CRIM1: variants seen among roughly 807,000 people sequenced by gnomAD.
The protein encoded by CRIM1 is cysteine-rich motor neuron 1 protein.
CRIM1 carries 32 observed loss-of-function variants against 116.4 expected under a neutral mutation model. That is an observed-to-expected ratio of 0.27 (90% CI 0.21 to 0.37). CRIM1 has a LOEUF of 0.37. Among genes scored for constraint, CRIM1 ranks in the 10% least tolerant of loss-of-function variants. The pLI, the probability that CRIM1 is intolerant of heterozygous loss-of-function variation, is 1.00. For missense variants in CRIM1, 1,331 were observed against 1,354.8 expected (o/e 0.98, Z 0.28); for synonymous variants, 590 against 509.2 (o/e 1.16, Z -2.13).
At chr2:36,375,225 C>T (rs11124511) in intron 1 of CRIM1, among the ~76,000 whole-genome samples, 60,326 of 151,832 alleles carry the variant, frequency 0.4, 15,069 homozygotes, top group East Asian at 0.72. Flanking sequence ...GAGGGCTAGA[C>T]GTTATCCAGC....
At chr2:36,455,817 TTGTC>T (rs1677093139) in intron 4 of CRIM1, among the ~76,000 whole-genome samples, 1 of 151,966 alleles carries the variant, frequency 6.6e-6, no homozygotes, top group South Asian at 2.1e-4. Flanking sequence ...ATGGGGGAGT[TTGTC>T]TGCAGAGGAA....
intron 7 of CRIM1, among the ~76,000 whole-genome samples, chr2:36,496,449 A>G (rs188543884): frequency 6.6e-6 from 1 of 152,278 alleles, no homozygotes; most frequent in East Asian, 1.9e-4. Flanking sequence ...TGTTTCTTTC[A>G]TCTAATATAG....
At chr2:36,384,044 A>T (rs1338941983) in intron 1 of CRIM1, among the ~76,000 whole-genome samples, 1 of 152,228 alleles carries the variant, frequency 6.6e-6, no homozygotes, top group Non-Finnish European at 1.5e-5. Flanking sequence ...ATACAAGAGG[A>T]GAGAAGTGCT....
At chr2:36,531,997 T>C (rs1051605654) in intron 13 of CRIM1, 9 of 470,502 alleles carry the variant, frequency 1.9e-5, no homozygotes, top group Non-Finnish European at 3.5e-5. Context: ...AAGTAAATCT[T>C]TGTATTCTTG....
chr2:36,546,047 A>G (rs1231092060), intron 15 of CRIM1, among the ~76,000 whole-genome samples: 5 of 152,138 alleles, frequency 3.3e-5, no homozygotes, highest in Non-Finnish European at 7.4e-5. Context: ...TTAAAATCTG[A>G]GTTTTAAACC....
chr2:36,374,218 C>A (rs1002422072), intron 1 of CRIM1, among the ~76,000 whole-genome samples: 1 of 152,192 alleles, frequency 6.6e-6, no homozygotes, highest in African/African-American at 2.4e-5. Context: ...GAGACCGAAG[C>A]CCCTTATTAA....
At chr2:36,450,857 T>C (rs530973972) in intron 4 of CRIM1, among the ~76,000 whole-genome samples, 3 of 152,358 alleles carry the variant, frequency 2.0e-5, no homozygotes, top group Admixed American at 6.5e-5. Context: ...TCTTGCATTA[T>C]GATAATAGAA....
intron 1 of CRIM1, among the ~76,000 whole-genome samples, chr2:36,381,227 A>G (rs1252143206): frequency 6.6e-6 from 1 of 152,198 alleles, no homozygotes; most frequent in Non-Finnish European, 1.5e-5. Context: ...CCTGGGAAAC[A>G]GGAAGGACTC....
intron 8 of CRIM1, among the ~76,000 whole-genome samples, chr2:36,509,407 A>G (rs559555488): frequency 6.6e-6 from 1 of 152,174 alleles, no homozygotes. Flanking sequence ...CATGCCTGTA[A>G]TCACAGATGC....
chr2:36,437,146 C>G (rs538328186), intron 2 of CRIM1, among the ~76,000 whole-genome samples: 1 of 152,152 alleles, frequency 6.6e-6, no homozygotes, highest in South Asian at 2.1e-4. Context: ...GAGGCCGAGG[C>G]GGGCAGATCA....
At chr2:36,381,234 A>T (rs1670742881) in intron 1 of CRIM1, among the ~76,000 whole-genome samples, 1 of 152,120 alleles carries the variant, frequency 6.6e-6, no homozygotes, top group African/African-American at 2.4e-5. Flanking sequence ...AACAGGAAGG[A>T]CTCGGGGGAG....
chr2:36,457,193 A>G (rs1339725149), intron 4 of CRIM1, among the ~76,000 whole-genome samples: 2 of 151,982 alleles, frequency 1.3e-5, no homozygotes, highest in Non-Finnish European at 2.9e-5. Context: ...AACAGGTAGT[A>G]TTTGGTTACA....
In CRIM1 at chr2:36,424,357, C is replaced by A. The variant is rs150314792; in HGVS notation, c.506-16901C>A. Among the ~76,000 whole-genome samples, 957 of 152,268 alleles carry A rather than the reference C, an allele frequency of 6.3e-3. 11 individuals are homozygous for A. The highest frequency in any genetic ancestry group is 0.022 in the African/African-American group (922 of 41,554). Reference sequence around the variant, plus strand: ...AGAGTGGGAACCATGTATTGTTCAACCGTGTCTCTCCAGATCTCTAGCAAA... The same window carrying A: ...AGAGTGGGAACCATGTATTGTTCAAACGTGTCTCTCCAGATCTCTAGCAAA... On this transcript the variant is annotated intron_variant, in intron 2 of 16. Coordinates refer to ENST00000280527, the MANE Select transcript of CRIM1 (RefSeq NM_016441.3).
intron 5 of CRIM1, among the ~76,000 whole-genome samples, chr2:36,474,562 C>G (rs1163613817): frequency 2.0e-5 from 3 of 152,056 alleles, no homozygotes; most frequent in African/African-American, 7.2e-5. Context: ...ATGCAAAAGA[C>G]TTTCAACCTC....
intron 1 of CRIM1, among the ~76,000 whole-genome samples, chr2:36,365,855 T>A (rs1669560472): frequency 2.6e-5 from 4 of 151,658 alleles, no homozygotes; most frequent in African/African-American, 9.7e-5. Flanking sequence ...TGCCTCAGCC[T>A]CCTGAGTAGC....
chr2:36,504,836 A>G (rs957311625), intron 8 of CRIM1, among the ~76,000 whole-genome samples: 2 of 152,190 alleles, frequency 1.3e-5, no homozygotes, highest in African/African-American at 4.8e-5. Flanking sequence ...AAGTAGCATC[A>G]GTCTTTTGGC....
chr2:36,480,138 G>A (rs1049651656), intron 7 of CRIM1, among the ~76,000 whole-genome samples: 9 of 152,142 alleles, frequency 5.9e-5, no homozygotes, highest in Admixed American at 3.9e-4. Flanking sequence ...GCCTAGTGCC[G>A]TCACCGAGTA....
intron 2 of CRIM1, among the ~76,000 whole-genome samples, chr2:36,434,120 T>C (rs927054256): frequency 6.6e-5 from 10 of 152,264 alleles, no homozygotes; most frequent in African/African-American, 2.4e-4. Flanking sequence ...AGTGTAACTT[T>C]AAAGGAGTCA....
intron 1 of CRIM1, among the ~76,000 whole-genome samples, chr2:36,366,310 C>G (rs1669599830): frequency 6.6e-6 from 1 of 152,086 alleles, no homozygotes; most frequent in African/African-American, 2.4e-5. Flanking sequence ...ATCAAGAGTG[C>G]TGGTATTCGG....
Sources: allele counts gnomAD v4.1 joint callset (sites outside exome capture counted in the v4.1 genomes callset), GRCh38; gene constraint gnomAD v4.1.1; transcripts MANE v1.5; gene names NCBI Gene and HGNC (gene_info 2026-07-23, HGNC 2026-07-21).